RIT2: variants seen among roughly 807,000 people sequenced by gnomAD.
RIT2 encodes GTP-binding protein Rit2.
RIT2 carries 24 observed loss-of-function variants against 23.7 expected under a neutral mutation model. The ratio of observed to expected loss-of-function variants is 1.01; its 90% CI spans 0.73 to 1.43. The LOEUF (loss-of-function observed/expected upper bound fraction) is 1.43. Among genes scored for constraint, RIT2 ranks in the 40% most tolerant of loss-of-function variants. The pLI is 0.00. For missense variants in RIT2, 236 were observed against 266.9 expected (o/e 0.88, Z 0.81); for synonymous variants, 107 against 91.1 (o/e 1.17, Z -0.99).
chr18:43,090,751 C>T (rs1013016797), intron 1 of RIT2, among the ~76,000 whole-genome samples: 3 of 151,972 alleles, frequency 2.0e-5, no homozygotes, highest in Non-Finnish European at 4.4e-5. Context: ...AGGCCATTAT[C>T]CTTAGCAAAC....
intron 4 of RIT2, among the ~76,000 whole-genome samples, chr18:42,907,511 C>T (rs1410755705): frequency 3.3e-5 from 5 of 152,170 alleles, no homozygotes; most frequent in African/African-American, 9.7e-5. Context: ...AGCAGAGCAA[C>T]TTCCTGCCAA....
At chr18:43,105,940 T>C (rs574010239) in intron 1 of RIT2, among the ~76,000 whole-genome samples, 12 of 152,174 alleles carry the variant, frequency 7.9e-5, no homozygotes, top group South Asian at 2.1e-4. Flanking sequence ...ATCAAAATAA[T>C]ATATGGTAAC....
chr18:42,876,447 T>C (rs1477616291), intron 4 of RIT2, among the ~76,000 whole-genome samples: 5 of 151,594 alleles, frequency 3.3e-5, no homozygotes, highest in Admixed American at 6.6e-5. Context: ...GTATCTAAGA[T>C]GAGACAGAAA....
intron 4 of RIT2, among the ~76,000 whole-genome samples, chr18:42,850,447 TTGA>T (rs1907022581): frequency 6.6e-6 from 1 of 152,110 alleles, no homozygotes. Flanking sequence ...CAGACCACAT[TTGA>T]TGATGACTGT....
At position 42,780,047 on chromosome 18, in the gene RIT2, G is replaced by GTTTTTTTTT. The variant is rs71175923; in HGVS notation, c.427-36336_427-36328dup. On this transcript the variant is annotated intron_variant, in intron 4 of 4. Coordinates refer to ENST00000326695, the MANE Select transcript of RIT2 (RefSeq NM_002930.4). ...TGCCTAGTCAAGTCTCAATTTAGAGGTTTTTTTTTTTTTTTTTTTTTTTTT... is the reference window on the plus strand; with the variant it reads ...TGCCTAGTCAAGTCTCAATTTAGAGGTTTTTTTTTTTTTTTTTTTTTTTTTTTTTTTTTT... Among the ~76,000 whole-genome samples the GTTTTTTTTT allele has an allele frequency of 7.6e-4, 45 of 59,598 alleles. 10 individuals are homozygous for GTTTTTTTTT. The highest frequency in any genetic ancestry group is 1.2e-3 in the Non-Finnish European group (40 of 32,764). The allele number at this position is 59,598 out of a possible 152,430, so 39.1% of individuals were successfully genotyped here.
At chr18:42,821,685 T>C (rs971938945) in intron 4 of RIT2, among the ~76,000 whole-genome samples, 2 of 152,166 alleles carry the variant, frequency 1.3e-5, no homozygotes. Flanking sequence ...GGAATATGTG[T>C]AGTGTCCTTT....
intron 1 of RIT2, among the ~76,000 whole-genome samples, chr18:43,102,512 T>C (rs1223541859): frequency 6.7e-6 from 1 of 150,290 alleles, no homozygotes; most frequent in African/African-American, 2.5e-5. Context: ...GAAAAAGGTT[T>C]CGGAAATAAA....
At chr18:42,763,166 T>G (rs909259100) in intron 4 of RIT2, among the ~76,000 whole-genome samples, 1 of 152,098 alleles carries the variant, frequency 6.6e-6, no homozygotes, top group South Asian at 2.1e-4. Context: ...TATAAAAGAT[T>G]AAAAATGGTA....
chr18:43,087,163 G>T (rs1477275276), intron 1 of RIT2, among the ~76,000 whole-genome samples: 1 of 151,908 alleles, frequency 6.6e-6, no homozygotes, highest in Admixed American at 6.6e-5. Flanking sequence ...AATCACTTGA[G>T]CCTGGGAGGT....
At chr18:42,774,170 T>G (rs1445743260) in intron 4 of RIT2, among the ~76,000 whole-genome samples, 1 of 152,228 alleles carries the variant, frequency 6.6e-6, no homozygotes, top group African/African-American at 2.4e-5. Flanking sequence ...CAAAATGTTT[T>G]TTTTTCTCTT....
At chr18:42,857,699 GT>G (rs1404038239) in intron 4 of RIT2, among the ~76,000 whole-genome samples, 1 of 152,148 alleles carries the variant, frequency 6.6e-6, no homozygotes, top group Non-Finnish European at 1.5e-5. Flanking sequence ...TGCCCTGGAT[GT>G]TTTTGCATAC....
In RIT2 at chr18:42,857,019, G is replaced by C. The variant is rs113681776; in HGVS notation, c.426+66553C>G. Among the ~76,000 whole-genome samples the C allele has an allele frequency of 3.8e-3, 574 of 151,848 alleles. 5 individuals carry two copies. The highest frequency in any genetic ancestry group is 0.013 in the African/African-American group (540 of 41,370). ...AATTTTTTGTATTTTTAGTAGAGAC[G>C]GGGTTTCACCATGTTAGCCAGGATG... On this transcript the variant is annotated intron_variant, in intron 4 of 4. Transcript: ENST00000326695.
intron 1 of RIT2, among the ~76,000 whole-genome samples, chr18:43,089,447 A>G (rs1913366075): frequency 6.6e-6 from 1 of 152,208 alleles, no homozygotes; most frequent in East Asian, 1.9e-4. Context: ...AAGTGGAAAA[A>G]CATTCCAAGG....
At chr18:42,836,980 T>C (rs1260822816) in intron 4 of RIT2, among the ~76,000 whole-genome samples, 1 of 152,046 alleles carries the variant, frequency 6.6e-6, no homozygotes, top group Non-Finnish European at 1.5e-5. Flanking sequence ...TTTTTCAAAC[T>C]ATCTATGGAG....
At chr18:43,027,462 T>C (rs1304863087) in intron 2 of RIT2, among the ~76,000 whole-genome samples, 16 of 152,096 alleles carry the variant, frequency 1.1e-4, no homozygotes, top group Admixed American at 1.1e-3. Flanking sequence ...GAAATGGTAG[T>C]ACTGGCTTAT....
At chr18:42,857,878 G>A (rs1907227332) in intron 4 of RIT2, among the ~76,000 whole-genome samples, 1 of 152,124 alleles carries the variant, frequency 6.6e-6, no homozygotes. Context: ...TAAGACCAAA[G>A]GTGATTTAAT....
intron 4 of RIT2, among the ~76,000 whole-genome samples, chr18:42,901,163 T>C (rs1424856213): frequency 6.6e-6 from 1 of 152,068 alleles, no homozygotes; most frequent in African/African-American, 2.4e-5. Context: ...ACAATAAACA[T>C]TATTAATTGT....
intron 2 of RIT2, among the ~76,000 whole-genome samples, chr18:43,006,718 A>G (rs951405285): frequency 2.0e-5 from 3 of 151,640 alleles, no homozygotes; most frequent in Non-Finnish European, 4.4e-5. Context: ...CATGCAAAGA[A>G]GTTCCAAAAT....
chr18:43,017,198 A>C lies in RIT2; in HGVS notation c.160+16613T>G, dbSNP rs899962299. On this transcript the variant is annotated intron_variant, in intron 2 of 4. Transcript: ENST00000326695. ...AAAAATGATAATTACACAAATTGGG[A>C]GAGGCAAATGCACACTTTGTTAGCT... Among the ~76,000 whole-genome samples, 5 of 152,088 alleles carry C rather than the reference A, an allele frequency of 3.3e-5. No homozygotes were observed. In the South Asian group the frequency reaches 1.0e-3, roughly 32 times the overall value.
Sources: allele counts gnomAD v4.1 joint callset (sites outside exome capture counted in the v4.1 genomes callset), GRCh38; gene constraint gnomAD v4.1.1; transcripts MANE v1.5; gene names NCBI Gene and HGNC (gene_info 2026-07-23, HGNC 2026-07-21).